TNR: variants seen among roughly 807,000 people sequenced by gnomAD.
TNR encodes tenascin R.
TNR carries 45 observed loss-of-function variants against 150.4 expected under a neutral mutation model. The ratio of observed to expected loss-of-function variants is 0.30; its 90% CI spans 0.24 to 0.38. The LOEUF (loss-of-function observed/expected upper bound fraction) is 0.38. Ranked by LOEUF, TNR falls within the 10% of genes least tolerant of loss-of-function variation. The pLI is 1.00. For synonymous variants in TNR, 687 were observed against 678.4 expected (o/e 1.01, Z -0.20); for missense variants, 1,544 against 1,759.1 (o/e 0.88, Z 2.19).
intron 2 of TNR, among the ~76,000 whole-genome samples, chr1:175,489,571 G>T (rs200685168): frequency 7.2e-5 from 11 of 152,152 alleles, no homozygotes; most frequent in Non-Finnish European, 1.5e-5. Flanking sequence ...CTGCCCTGTG[G>T]TCTCTTTGCC....
At chr1:175,686,944 T>C (rs571227155) in intron 1 of TNR, among the ~76,000 whole-genome samples, 1 of 152,338 alleles carries the variant, frequency 6.6e-6, no homozygotes, top group South Asian at 2.1e-4. Context: ...AGTGCTGTGA[T>C]AAATATGTGA....
At chr1:175,623,753 A>T (rs1298430185) in intron 1 of TNR, among the ~76,000 whole-genome samples, 1 of 152,198 alleles carries the variant, frequency 6.6e-6, no homozygotes, top group Non-Finnish European at 1.5e-5. Flanking sequence ...TAATTTACCC[A>T]CATGTATGAT....
chr1:175,356,397 T>C lies in TNR; in HGVS notation c.3040A>G (p.Ser1014Gly), dbSNP rs1651330703. ...EEFRLVDLLP[S>G]THYTATMYAT... is the part of the protein sequence containing the mutation. Reference sequence around the variant, plus strand: ...TACATGGTGGCAGTATAGTGGGTGCTAGGAAGCAGGTCAACAAGCCGAAAT... The same window carrying C: ...TACATGGTGGCAGTATAGTGGGTGCCAGGAAGCAGGTCAACAAGCCGAAAT... Residue 1014 changes from serine (S) to glycine (G), a missense_variant, in exon 16 of 23, where the codon AGC (serine) becomes GGC (glycine). Transcript: ENST00000367674. 6.2e-7 allele frequency: 1 copy of C among 1,613,838 alleles called. No individual in the cohort carries two copies. The highest frequency in any genetic ancestry group is 1.3e-5 in the African/African-American group (1 of 74,854).
intron 1 of TNR, among the ~76,000 whole-genome samples, chr1:175,602,388 T>C (rs1663273916): frequency 6.6e-6 from 1 of 152,054 alleles, no homozygotes; most frequent in South Asian, 2.1e-4. Flanking sequence ...GCTAAAAAAA[T>C]GTGTATATCT....
At chr1:175,380,595 G>A (rs1454915697) in intron 8 of TNR, among the ~76,000 whole-genome samples, 2 of 151,052 alleles carry the variant, frequency 1.3e-5, no homozygotes, top group African/African-American at 4.9e-5. Context: ...AAAAAAAGGT[G>A]CCCAAGGCCT....
At position 175,698,414 on chromosome 1, in the gene TNR, C is replaced by G. The variant is rs139583637; in HGVS notation, c.-165+44812G>C. 1.1e-4 allele frequency among the ~76,000 whole-genome samples: 17 copies of G among 152,076 alleles called. No individual in the cohort carries two copies. The East Asian group carries it at 3.3e-3, about 29-fold the overall frequency. On this transcript the variant is annotated intron_variant, in intron 1 of 22. Coordinates refer to ENST00000367674, the MANE Select transcript of TNR (RefSeq NM_003285.3). The stretch of plus-strand genomic sequence containing the variant: ...GAAAGAGGGCTCTATATAGAGGGGA[C>G]AGTGAGTGCAAAGGTGCTGACATCC...
In TNR at chr1:175,574,060, A is replaced by G. The variant is rs534358276; in HGVS notation, c.-164-45691T>C. On this transcript the variant is annotated intron_variant, in intron 1 of 22. Coordinates refer to ENST00000367674, the MANE Select transcript of TNR (RefSeq NM_003285.3). ...TTTATCTCAGGTCTTGAAGAGGAAG[A>G]TGAGAGGTGGTGGGAGTGGGCGTGG... is the stretch of plus-strand genomic sequence containing the variant. 1.1e-3 allele frequency among the ~76,000 whole-genome samples: 167 copies of G among 152,248 alleles called. 5 individuals are homozygous for G. In the South Asian group the frequency reaches 0.033, roughly 30 times the overall value.
At chr1:175,509,321 T>C (rs1226492286) in intron 2 of TNR, among the ~76,000 whole-genome samples, 1 of 152,232 alleles carries the variant, frequency 6.6e-6, no homozygotes, top group East Asian at 1.9e-4. Flanking sequence ...TTTGCAGCAC[T>C]GATCCTTTTC....
intron 1 of TNR, among the ~76,000 whole-genome samples, chr1:175,660,566 TTATACAAACCC>T (rs1415530871): frequency 1.3e-5 from 2 of 152,218 alleles, no homozygotes; most frequent in African/African-American, 4.8e-5. Context: ...AAAAAGATAG[TTATACAAACCC>T]TATAGAGGCA....
chr1:175,524,333 A>G (rs530798744), intron 2 of TNR, among the ~76,000 whole-genome samples: 1 of 152,112 alleles, frequency 6.6e-6, no homozygotes, highest in Non-Finnish European at 1.5e-5. Context: ...GGATAAGTAA[A>G]TGGTGAGAAG....
chr1:175,532,220 A>C (rs61805071), intron 1 of TNR, among the ~76,000 whole-genome samples: 16,685 of 152,272 alleles, frequency 0.11, 1,191 homozygotes, highest in Non-Finnish European at 0.17. Flanking sequence ...TATAGACAAG[A>C]TTGCCCAATA....
Position 175,319,433 on chromosome 1 carries a change from G to T in TNR, c.*3924C>A, listed in dbSNP as rs1411733785. 2.6e-5 allele frequency: 4 copies of T among 152,208 alleles called. No individual in the cohort carries two copies. The highest frequency in any genetic ancestry group is 4.4e-5 in the Non-Finnish European group (3 of 68,056). The allele number at this position is 152,208 out of a possible 1,614,324, so 9.4% of individuals were successfully genotyped here. On this transcript the variant is annotated 3_prime_UTR_variant, in exon 23 of 23. Coordinates refer to ENST00000367674, the MANE Select transcript of TNR (RefSeq NM_003285.3). ...AATCTACAGCTCTGCTCTGAGACTG[G>T]ATTTGAAAAGTAAAAATGTGATTAG...
chr1:175,617,430 C>G (rs970339825), intron 1 of TNR, among the ~76,000 whole-genome samples: 4 of 152,160 alleles, frequency 2.6e-5, no homozygotes, highest in Non-Finnish European at 5.9e-5. Flanking sequence ...GAGCTAAGGT[C>G]GGCACTGGCT....
intron 2 of TNR, among the ~76,000 whole-genome samples, chr1:175,494,383 A>G (rs1477353389): frequency 6.6e-6 from 1 of 152,252 alleles, no homozygotes; most frequent in Non-Finnish European, 1.5e-5. Flanking sequence ...AAAGCCCGAC[A>G]GTGACGATGC....
rs952235217 is a variant in TNR, at chr1:175,582,938, C to T, written c.-164-54569G>A. Among the ~76,000 whole-genome samples the T allele has an allele frequency of 3.3e-5, 5 of 152,098 alleles. No homozygotes were observed. The South Asian group carries it at 8.3e-4, about 25-fold the overall frequency. On this transcript the variant is annotated intron_variant, in intron 1 of 22. Transcript: ENST00000367674. ...ACCTCTCTCTGCCCTTCTGCCATTT[C>T]TGTGCCTTCTACAATATGATGGCAT...
At chr1:175,696,404 C>T (rs988329063) in intron 1 of TNR, among the ~76,000 whole-genome samples, 1 of 151,756 alleles carries the variant, frequency 6.6e-6, no homozygotes, top group African/African-American at 2.4e-5. Context: ...AGAAAATGGG[C>T]AAGGCCAGTC....
chr1:175,661,432 C>T (rs575329671), intron 1 of TNR, among the ~76,000 whole-genome samples: 54 of 152,180 alleles, frequency 3.5e-4, no homozygotes, highest in African/African-American at 1.1e-3. Context: ...GGGGTGAGGC[C>T]GTGGAGGAGC....
chr1:175,620,206 G>C (rs889560574), intron 1 of TNR, among the ~76,000 whole-genome samples: 1 of 152,130 alleles, frequency 6.6e-6, no homozygotes, highest in African/African-American at 2.4e-5. Context: ...AGAGTAATAG[G>C]CAGGATAGAC....
rs1200490132 is a variant in TNR at position 175,503,785 on chromosome 1, C to T, written c.-64+24484G>A. Among the ~76,000 whole-genome samples the T allele has an allele frequency of 3.9e-5, 6 of 152,154 alleles. No homozygotes were observed. The East Asian group carries it at 1.2e-3, about 29-fold the overall frequency. ...GGGAATGAAACTCCTGTAACAGATC[C>T]TGGGAGGAGGGAGGAGACAAAGAGG... On this transcript the variant is annotated intron_variant, in intron 2 of 22. Coordinates refer to ENST00000367674, the MANE Select transcript of TNR (RefSeq NM_003285.3).
Sources: allele counts gnomAD v4.1 joint callset (sites outside exome capture counted in the v4.1 genomes callset), GRCh38; gene constraint gnomAD v4.1.1; transcripts MANE v1.5; gene names NCBI Gene and HGNC (gene_info 2026-07-23, HGNC 2026-07-21).